The following DNAH8 variants were observed in gnomAD, a reference collection of about 807,000 sequenced individuals.
DNAH8 encodes axonemal beta dynein heavy chain 8.
A neutral mutation model predicts 562.1 loss-of-function variants in DNAH8; 382 were observed. The observed-to-expected ratio is 0.68, with a 90% CI of 0.63 to 0.74. The LOEUF (loss-of-function observed/expected upper bound fraction) is 0.74, where lower values mean the gene tolerates loss of function less well. Ranked by LOEUF, DNAH8 falls within the 30% of genes least tolerant of loss-of-function variation. DNAH8 has a pLI of 0.00. For synonymous variants in DNAH8, 1,881 were observed against 1,919.4 expected (o/e 0.98, Z 0.52); for missense variants, 5,203 against 5,620.4 (o/e 0.93, Z 2.37).
chr6:38,830,267 C>G (rs1045079774), intron 30 of DNAH8, among the ~76,000 whole-genome samples: 2 of 152,058 alleles, frequency 1.3e-5, no homozygotes, highest in African/African-American at 4.8e-5. Flanking sequence ...TAATGTAGAA[C>G]TTGATAGCTA....
intron 4 of DNAH8, among the ~76,000 whole-genome samples, chr6:38,732,702 T>A (rs1375557254): frequency 6.6e-6 from 1 of 152,212 alleles, no homozygotes; most frequent in Non-Finnish European, 1.5e-5. Flanking sequence ...TTTATGTGTA[T>A]TCATTCAAGG....
intron 26 of DNAH8, among the ~76,000 whole-genome samples, chr6:38,816,981 T>C (rs1237244896): frequency 6.6e-6 from 1 of 152,138 alleles, no homozygotes; most frequent in Non-Finnish European, 1.5e-5. Context: ...TTAATGGGGT[T>C]GAGAAACTGG....
intron 56 of DNAH8, among the ~76,000 whole-genome samples, 166 bp downstream of exon 56, chr6:38,884,164 T>C (rs1050258815): frequency 2.6e-5 from 4 of 152,176 alleles, no homozygotes; most frequent in African/African-American, 9.7e-5. Context: ...GTTTCTCCTT[T>C]CTTAAATCCC....
At chr6:38,852,826 A>T (rs766474287) in intron 40 of DNAH8, 28 bp downstream of exon 40, 1 of 1,544,196 alleles carries the variant, frequency 6.5e-7, no homozygotes, top group South Asian at 1.1e-5. Context: ...AAATTTTTTT[A>T]TTAGAATTTC....
At chr6:38,769,740 G>C (rs1442339385) in intron 11 of DNAH8, among the ~76,000 whole-genome samples, 1 of 152,160 alleles carries the variant, frequency 6.6e-6, no homozygotes, top group Non-Finnish European at 1.5e-5. Flanking sequence ...AATGTTTAAG[G>C]GTTCTTATGT....
Position 38,805,568 on chromosome 6 carries a change from C to G in DNAH8, c.3122C>G (p.Thr1041Ser). The G allele has an allele frequency of 1.3e-6, 2 of 1,583,116 alleles. No homozygotes were observed. Among genetic ancestry groups the G allele is most frequent in the Non-Finnish European group, 1.7e-6 (2 of 1,152,490 alleles). ...GCTAATATTGTGAATGAGTTTGATACTCATGATAAAGAAGATGAATTTAAA... is the reference window on the plus strand; with the variant it reads ...GCTAATATTGTGAATGAGTTTGATAGTCATGATAAAGAAGATGAATTTAAA... ...YEANIVNEFD[T>S]HDKEDEFKKE... The change falls in exon 23 of 93, where the codon ACT becomes AGT. Residue 1041 changes from threonine (T) to serine (S), a missense_variant. Physicochemically the swap from Thr to Ser is moderately conservative, Grantham distance 58. Coordinates refer to ENST00000327475, the MANE Select transcript of DNAH8 (RefSeq NM_001206927.2).
rs1055265665 is a variant in DNAH8, at chr6:38,760,775, C to A, written c.1516-927C>A. On this transcript the variant is annotated intron_variant, in intron 10 of 92. Coordinates refer to ENST00000327475, the MANE Select transcript of DNAH8 (RefSeq NM_001206927.2). ...TCCTGGCATCTCTCTCTTGCTTGCT[C>A]TCATATGAGGCCAGTTCCCACTTTG... Among the ~76,000 whole-genome samples the A allele has an allele frequency of 3.3e-5, 5 of 152,278 alleles. No individual in the cohort carries two copies. The East Asian group carries it at 5.8e-4, about 18-fold the overall frequency.
intron 21 of DNAH8, among the ~76,000 whole-genome samples, chr6:38,797,798 C>T (rs865965237): frequency 1.4e-4 from 21 of 152,138 alleles, no homozygotes; most frequent in Non-Finnish European, 2.6e-4. Flanking sequence ...AAGAAGGTAA[C>T]GCTGGCTACC....
chr6:38,768,335 C>A (rs1268594000), intron 11 of DNAH8, among the ~76,000 whole-genome samples: 1 of 152,146 alleles, frequency 6.6e-6, no homozygotes, highest in Non-Finnish European at 1.5e-5. Flanking sequence ...GTAGCCTGAT[C>A]AAGTTCACTG....
intron 24 of DNAH8, among the ~76,000 whole-genome samples, chr6:38,811,432 T>G (rs945627568): frequency 9.2e-5 from 14 of 152,238 alleles, no homozygotes; most frequent in African/African-American, 3.1e-4. Flanking sequence ...CTATGTTATC[T>G]TTTTGCCTTT....
At chr6:38,790,134 T>C (rs952992653) in intron 19 of DNAH8, among the ~76,000 whole-genome samples, 155 bp from the exon 20 acceptor site, 4 of 152,186 alleles carry the variant, frequency 2.6e-5, no homozygotes, top group Non-Finnish European at 4.4e-5. Flanking sequence ...CAGCCAAAGA[T>C]GGTTAAAAAT....
intron 56 of DNAH8, among the ~76,000 whole-genome samples, chr6:38,884,725 C>T (rs934463847): frequency 6.6e-6 from 1 of 152,126 alleles, no homozygotes; most frequent in Non-Finnish European, 1.5e-5. Context: ...TGCATAATTT[C>T]TGAGGAGTAC....
intron 88 of DNAH8, among the ~76,000 whole-genome samples, chr6:39,002,618 T>A (rs913447892): frequency 6.6e-6 from 1 of 152,240 alleles, no homozygotes; most frequent in African/African-American, 2.4e-5. Context: ...TTAAGATAAG[T>A]GTCTTTTGGG....
chr6:38,812,126 C>G (rs573966534), intron 24 of DNAH8, among the ~76,000 whole-genome samples: 1 of 152,046 alleles, frequency 6.6e-6, no homozygotes, highest in South Asian at 2.1e-4. Context: ...TGAGGCTGGC[C>G]GAGGCCCCAT....
At chr6:38,739,127 T>A in intron 7 of DNAH8, among the ~76,000 whole-genome samples, 1 of 152,218 alleles carries the variant, frequency 6.6e-6, no homozygotes. Flanking sequence ...ATCATCCCTT[T>A]ATTTTTTTGG....
Position 38,971,588 on chromosome 6 carries a change from A to G in DNAH8, c.12452-4A>G, listed in dbSNP as rs1763357024. 4 of 1,545,692 alleles carry G rather than the reference A, an allele frequency of 2.6e-6. No individual in the cohort carries two copies. The South Asian group carries it at 5.1e-5, about 20-fold the overall frequency. On this transcript the variant is annotated splice_polypyrimidine_tract_variant and splice_region_variant and intron_variant, in intron 82 of 92. Coordinates refer to ENST00000327475, the MANE Select transcript of DNAH8 (RefSeq NM_001206927.2). ...ATCATAGTGAACTTTCTCCTATGTT[A>G]CAGAATGTAGAACTATCTCAATGGG...
In DNAH8 at chr6:38,982,413, C is replaced by G. The variant is rs770597133; in HGVS notation, c.12902C>G (p.Ala4301Gly). 2 of 1,610,898 alleles carry G rather than the reference C, an allele frequency of 1.2e-6. No individual in the cohort carries two copies. Among genetic ancestry groups the G allele is most frequent in the South Asian group, 1.1e-5 (1 of 90,954 alleles). Reference sequence around the variant, plus strand: ...GAATTCAATTCTGCTGACTTTTCAGCCAGTGTTCAGTTTATTCAGAATCAC... The same window carrying G: ...GAATTCAATTCTGCTGACTTTTCAGGCAGTGTTCAGTTTATTCAGAATCAC... ...PYEFNSADFSASVQFIQNHLD... is the reference protein window; with the variant it reads ...PYEFNSADFSGSVQFIQNHLD... The change falls in exon 86 of 93, where the codon GCC (alanine) becomes GGC (glycine). Residue 4301 changes from alanine (A) to glycine (G), a missense_variant. By Grantham distance (60) the Ala-to-Gly change is moderately conservative. Around this residue, in one of 6 missense-constraint regions of DNAH8, gnomAD observed 1,399 missense variants for 1,518.4 expected, o/e 0.92. Transcript: ENST00000327475.
intron 42 of DNAH8, among the ~76,000 whole-genome samples, chr6:38,859,821 G>A (rs1776469495): frequency 6.6e-6 from 1 of 152,150 alleles, no homozygotes; most frequent in Non-Finnish European, 1.5e-5. Context: ...GGAGACATGG[G>A]CATATATAAC....
chr6:38,761,893 A>G (rs1296973240), intron 11 of DNAH8, 90 bp downstream of exon 11: 1 of 668,112 alleles, frequency 1.5e-6, no homozygotes, highest in African/African-American at 1.9e-5. Flanking sequence ...TGTTAACTGA[A>G]AAAACTTCCT....
Sources: allele counts gnomAD v4.1 joint callset (sites outside exome capture counted in the v4.1 genomes callset), GRCh38; gene constraint gnomAD v4.1.1; regional missense constraint gnomAD v4.1.1; transcripts MANE v1.5; gene names NCBI Gene and HGNC (gene_info 2026-07-23, HGNC 2026-07-21).